The following SH3BP5 variants were observed in gnomAD, a reference collection of about 807,000 sequenced individuals.
SH3BP5 encodes SH3 domain binding protein 5.
SH3BP5 carries 22 observed loss-of-function variants against 43.3 expected under a neutral mutation model. That is an observed-to-expected ratio of 0.51 (90% CI 0.36 to 0.73). SH3BP5 has a LOEUF of 0.73. SH3BP5 is among the 30% of genes least tolerant of loss of function. The pLI is 0.00. For synonymous variants in SH3BP5, 255 were observed against 225.8 expected (o/e 1.13, Z -1.16); for missense variants, 529 against 586.9 (o/e 0.90, Z 1.02).
upstream of SH3BP5, among the ~76,000 whole-genome samples, chr3:15,337,379 G>A (rs1176704941): frequency 6.6e-6 from 1 of 152,088 alleles, no homozygotes; most frequent in Non-Finnish European, 1.5e-5. Context: ...CCGGCCAAGA[G>A]TTTTTATTTA....
chr3:15,282,548 GA>G (rs1173323282), intron 3 of SH3BP5, among the ~76,000 whole-genome samples: 1 of 151,876 alleles, frequency 6.6e-6, no homozygotes, highest in Admixed American at 6.6e-5. Flanking sequence ...AATTTGAGGG[GA>G]AAAGGGAGAT....
chr3:15,289,551 T>C (rs896583710), intron 3 of SH3BP5, among the ~76,000 whole-genome samples: 3 of 152,232 alleles, frequency 2.0e-5, no homozygotes, highest in African/African-American at 7.2e-5. Context: ...GGTCCTCTGT[T>C]AGTTGAGAGA....
chr3:15,338,559 C>T (rs1364840138), intron 1 of SH3BP5, among the ~76,000 whole-genome samples: 1 of 152,106 alleles, frequency 6.6e-6, no homozygotes, highest in East Asian at 1.9e-4. Context: ...CTGGTGGGAT[C>T]AGGCCTGGGG....
chr3:15,338,422 G>A (rs763557385), intron 1 of SH3BP5, among the ~76,000 whole-genome samples: 4 of 152,236 alleles, frequency 2.6e-5, no homozygotes, highest in Non-Finnish European at 5.9e-5. Flanking sequence ...TCTGGACTAA[G>A]AATGAATCTG....
Position 15,257,048 on chromosome 3 carries a change from G to A in SH3BP5, c.955C>T (p.Gln319Ter). 1 of 1,614,120 alleles carries A rather than the reference G, an allele frequency of 6.2e-7. No homozygotes were observed. Reference sequence around the variant, plus strand: ...CCTGAACTAAAGCTGGACACGGACTGGGTTTCCGAGTCATCTTCAGACACA... The same window carrying A: ...CCTGAACTAAAGCTGGACACGGACTAGGTTTCCGAGTCATCTTCAGACACA... ...NFVSEDDSET[Q>*]SVSSFSSGPT... Residue 319 changes from glutamine to a stop codon, truncating the protein, a stop_gained, in exon 8 of 9, where the codon CAG becomes TAG. Coordinates refer to ENST00000383791, the MANE Select transcript of SH3BP5 (RefSeq NM_004844.5). LOFTEE classifies it high-confidence loss of function.
At chr3:15,304,984 G>A (rs1468792776) in intron 2 of SH3BP5, among the ~76,000 whole-genome samples, 1 of 151,390 alleles carries the variant, frequency 6.6e-6, no homozygotes, top group African/African-American at 2.4e-5. Context: ...CGGGCATAGT[G>A]GGGGACACCT....
intron 3 of SH3BP5, among the ~76,000 whole-genome samples, chr3:15,283,473 G>C (rs1268616497): frequency 1.3e-5 from 2 of 152,206 alleles, no homozygotes; most frequent in African/African-American, 2.4e-5. Flanking sequence ...ACAAGAGACA[G>C]GTTTACAAGG....
chr3:15,316,371 C>T (rs1336541034), intron 2 of SH3BP5, among the ~76,000 whole-genome samples: 1 of 151,850 alleles, frequency 6.6e-6, no homozygotes, highest in African/African-American at 2.4e-5. Context: ...ATTACAGGTG[C>T]CCACGACCAC....
At chr3:15,311,932 A>G (rs773813810) in intron 2 of SH3BP5, among the ~76,000 whole-genome samples, 1 of 151,522 alleles carries the variant, frequency 6.6e-6, no homozygotes, top group Non-Finnish European at 1.5e-5. Flanking sequence ...GGCCTCCCAA[A>G]CTGTTGTGAT....
chr3:15,282,900 T>C (rs2125083152), intron 3 of SH3BP5, among the ~76,000 whole-genome samples: 1 of 152,302 alleles, frequency 6.6e-6, no homozygotes, highest in Admixed American at 6.5e-5. Flanking sequence ...CACTGATTAT[T>C]CTACTTTTGC....
chr3:15,271,983 A>G (rs950554260), intron 3 of SH3BP5, among the ~76,000 whole-genome samples: 27 of 151,950 alleles, frequency 1.8e-4, no homozygotes, highest in African/African-American at 6.3e-4. Context: ...TCGGTTAACC[A>G]CATCCCCAAG....
chr3:15,258,919 C>T lies in SH3BP5; in HGVS notation c.801G>A (p.Gly267=). The change falls in exon 7 of 9, where the codon GGG becomes GGA. Residue 267 remains glycine (G), a synonymous_variant. Coordinates refer to ENST00000383791, the MANE Select transcript of SH3BP5 (RefSeq NM_004844.5). ...IHERRRSSAM[G]PRGCGVGAEG... ...CAGCACCAACACCGCATCCCCGAGG[C>T]CCCATGGCACTGGAGCGCCGCCGCT... 1.9e-6 allele frequency: 3 copies of T among 1,614,236 alleles called. No individual in the cohort carries two copies. The highest frequency in any genetic ancestry group is 1.3e-5 in the African/African-American group (1 of 75,060).
upstream of SH3BP5, among the ~76,000 whole-genome samples, chr3:15,334,203 A>G (rs1409074449): frequency 2.0e-5 from 3 of 152,234 alleles, no homozygotes; most frequent in Non-Finnish European, 4.4e-5. Flanking sequence ...CCAACTGCTC[A>G]AGAACATCAG....
At chr3:15,302,157 C>T (rs972761124) in intron 3 of SH3BP5, among the ~76,000 whole-genome samples, 5 of 152,164 alleles carry the variant, frequency 3.3e-5, no homozygotes, top group Non-Finnish European at 5.9e-5. Context: ...ATGATACAAC[C>T]TTGGCCTACA....
chr3:15,324,522 T>A (rs1414598635), intron 2 of SH3BP5, among the ~76,000 whole-genome samples: 1 of 152,200 alleles, frequency 6.6e-6, no homozygotes, highest in Non-Finnish European at 1.5e-5. Flanking sequence ...TCTGCCAGCT[T>A]AGACCGGGCA....
At chr3:15,330,650 T>C (rs918082251) in intron 1 of SH3BP5, 84 bp from the exon 2 acceptor site, 27 of 1,395,722 alleles carry the variant, frequency 1.9e-5, no homozygotes, top group Non-Finnish European at 2.4e-5. Flanking sequence ...CCTGAAAAAT[T>C]ACCCCAGCCC....
intron 3 of SH3BP5, among the ~76,000 whole-genome samples, chr3:15,287,160 C>A (rs1697288488): frequency 6.6e-6 from 1 of 152,272 alleles, no homozygotes; most frequent in South Asian, 2.1e-4. Flanking sequence ...ATATAAAGTG[C>A]AGAGAAAAGG....
chr3:15,258,787 C>G (rs750555232), intron 7 of SH3BP5, 44 bp downstream of exon 7: 1 of 1,524,816 alleles, frequency 6.6e-7, no homozygotes, highest in South Asian at 1.1e-5. Context: ...ACAAATCACA[C>G]AGTCTGATAT....
At chr3:15,318,821 C>T (rs889961487) in intron 2 of SH3BP5, among the ~76,000 whole-genome samples, 6 of 152,214 alleles carry the variant, frequency 3.9e-5, no homozygotes, top group African/African-American at 1.4e-4. Context: ...ATCTGCTGGC[C>T]TCGGCCTCCC....
Sources: allele counts gnomAD v4.1 joint callset (sites outside exome capture counted in the v4.1 genomes callset), GRCh38; gene constraint gnomAD v4.1.1; transcripts MANE v1.5; gene names NCBI Gene and HGNC (gene_info 2026-07-23, HGNC 2026-07-21).